The following RCAN2 variants were observed in gnomAD, a reference collection of about 807,000 sequenced individuals.
RCAN2 encodes the protein calcipressin-2.
Under a neutral mutation model 23.6 loss-of-function variants are expected in RCAN2, and 9 were observed. The ratio of observed to expected loss-of-function variants is 0.38; its 90% CI spans 0.23 to 0.67. The LOEUF is 0.67. RCAN2 is among the 30% of genes least tolerant of loss of function. The pLI, the probability that RCAN2 is intolerant of heterozygous loss-of-function variation, is 0.51. For synonymous variants in RCAN2, 109 were observed against 115.7 expected (o/e 0.94, Z 0.37); for missense variants, 273 against 302.3 (o/e 0.90, Z 0.72).
chr6:46,328,357 A>C (rs1763860117), intron 2 of RCAN2, among the ~76,000 whole-genome samples: 1 of 152,250 alleles, frequency 6.6e-6, no homozygotes, highest in African/African-American at 2.4e-5. Flanking sequence ...AGAGGAATAC[A>C]TATTTTAATA....
At chr6:46,368,284 G>A (rs1000790954) in intron 2 of RCAN2, among the ~76,000 whole-genome samples, 1 of 152,110 alleles carries the variant, frequency 6.6e-6, no homozygotes, top group Non-Finnish European at 1.5e-5. Context: ...AATGATGATA[G>A]CTCTGTGTGC....
chr6:46,488,185 T>A (rs1769045960), intron 1 of RCAN2, among the ~76,000 whole-genome samples: 1 of 152,218 alleles, frequency 6.6e-6, no homozygotes, highest in Non-Finnish European at 1.5e-5. Flanking sequence ...TTCACATTGG[T>A]AATTCAGAAT....
chr6:46,402,175 G>A (rs952793487), intron 2 of RCAN2, among the ~76,000 whole-genome samples: 2 of 152,164 alleles, frequency 1.3e-5, no homozygotes, highest in Non-Finnish European at 1.5e-5. Context: ...TGAAAGAGCT[G>A]GATTCAGTTT....
intron 2 of RCAN2, among the ~76,000 whole-genome samples, chr6:46,308,083 G>A (rs543439218): frequency 6.6e-6 from 1 of 152,262 alleles, no homozygotes; most frequent in South Asian, 2.1e-4. Flanking sequence ...AGGAGTGCAG[G>A]CTCCCAGCCT....
intron 2 of RCAN2, among the ~76,000 whole-genome samples, chr6:46,392,296 T>C (rs1311526083): frequency 2.6e-5 from 4 of 152,274 alleles, no homozygotes; most frequent in East Asian, 3.9e-4. Flanking sequence ...AGTCTTGGTA[T>C]GGAAAAAGAA....
intron 1 of RCAN2, chr6:46,468,739 C>T: frequency 2.3e-6 from 2 of 854,562 alleles, no homozygotes; most frequent in East Asian, 1.2e-4. Flanking sequence ...CCCTCTCTCC[C>T]CTCTCTTCTC....
intron 1 of RCAN2, among the ~76,000 whole-genome samples, chr6:46,459,117 C>T (rs576974528): frequency 4.6e-5 from 7 of 152,254 alleles, no homozygotes; most frequent in African/African-American, 1.2e-4. Flanking sequence ...AGGCTGGTCT[C>T]GAACTCCTGA....
chr6:46,234,280 C>T (rs1311518905), intron 4 of RCAN2, among the ~76,000 whole-genome samples: 1 of 152,214 alleles, frequency 6.6e-6, no homozygotes, highest in African/African-American at 2.4e-5. Flanking sequence ...CTATCGAAAG[C>T]CAGCAAAGCT....
At chr6:46,266,732 A>G (rs1767342312) in intron 2 of RCAN2, among the ~76,000 whole-genome samples, 1 of 152,184 alleles carries the variant, frequency 6.6e-6, no homozygotes, top group Non-Finnish European at 1.5e-5. Context: ...CCCAGTGATC[A>G]AGCTTTGTCT....
intron 2 of RCAN2, among the ~76,000 whole-genome samples, chr6:46,270,017 T>G (rs889696179): frequency 6.6e-6 from 1 of 152,118 alleles, no homozygotes; most frequent in Non-Finnish European, 1.5e-5. Flanking sequence ...CTGAGAACAT[T>G]CAGCTGTCCA....
At chr6:46,236,291 A>G (rs1221173670) in intron 4 of RCAN2, among the ~76,000 whole-genome samples, 2 of 152,142 alleles carry the variant, frequency 1.3e-5, no homozygotes, top group African/African-American at 2.4e-5. Context: ...AAATGAACCT[A>G]TCCTTTTTCC....
intron 2 of RCAN2, among the ~76,000 whole-genome samples, chr6:46,448,239 T>G (rs943776840): frequency 6.6e-6 from 1 of 151,588 alleles, no homozygotes; most frequent in African/African-American, 2.4e-5. Flanking sequence ...TTAGAAGAAA[T>G]GGATAAATTC....
intron 2 of RCAN2, among the ~76,000 whole-genome samples, chr6:46,278,484 A>G (rs1454780501): frequency 1.3e-5 from 2 of 152,118 alleles, no homozygotes; most frequent in African/African-American, 2.4e-5. Context: ...TGTTTTATAT[A>G]TTTACTAAAA....
chr6:46,484,268 G>T (rs933926347), intron 1 of RCAN2, among the ~76,000 whole-genome samples: 5 of 152,134 alleles, frequency 3.3e-5, no homozygotes, highest in African/African-American at 1.2e-4. Flanking sequence ...TCTTTGAAAA[G>T]ACTAATTTGA....
intron 2 of RCAN2, among the ~76,000 whole-genome samples, chr6:46,311,359 A>T (rs1763254075): frequency 6.6e-6 from 1 of 152,228 alleles, no homozygotes; most frequent in Admixed American, 6.5e-5. Context: ...TTACTGGTTT[A>T]TTCTATGCAA....
At chr6:46,397,372 A>AACACACAC (rs58494804) in intron 2 of RCAN2, among the ~76,000 whole-genome samples, 6,712 of 146,170 alleles carry the variant, frequency 0.046, 174 homozygotes, top group South Asian at 0.081. Context: ...ATTTCACAGA[A>AACACACAC]ACACACACAC....
At chr6:46,456,185 G>C (rs1918477) in intron 2 of RCAN2, among the ~76,000 whole-genome samples, 1 of 151,924 alleles carries the variant, frequency 6.6e-6, no homozygotes, top group African/African-American at 2.4e-5. Flanking sequence ...TTGAGGAGTT[G>C]CTGCTTCATT....
intron 2 of RCAN2, among the ~76,000 whole-genome samples, chr6:46,437,046 C>A (rs1767391478): frequency 6.6e-6 from 1 of 152,148 alleles, no homozygotes; most frequent in Non-Finnish European, 1.5e-5. Context: ...TTTTTCCAAG[C>A]AGATGCTTCC....
intron 2 of RCAN2, among the ~76,000 whole-genome samples, chr6:46,294,088 G>A (rs1283199026): frequency 6.6e-6 from 1 of 152,110 alleles, no homozygotes; most frequent in Non-Finnish European, 1.5e-5. Flanking sequence ...AGAGTTATAG[G>A]GAATGATACA....
Sources: allele counts gnomAD v4.1 joint callset (sites outside exome capture counted in the v4.1 genomes callset), GRCh38; gene constraint gnomAD v4.1.1; transcripts MANE v1.5; gene names NCBI Gene and HGNC (gene_info 2026-07-23, HGNC 2026-07-21).